PTPRO: variants seen among roughly 807,000 people sequenced by gnomAD.
The protein encoded by PTPRO is receptor-type tyrosine-protein phosphatase O.
PTPRO carries 62 observed loss-of-function variants against 145.2 expected under a neutral mutation model. The ratio of observed to expected loss-of-function variants is 0.43; its 90% CI spans 0.35 to 0.53. The LOEUF (loss-of-function observed/expected upper bound fraction) is 0.53. Among genes scored for constraint, PTPRO ranks in the 20% least tolerant of loss-of-function variants. The probability of loss-of-function intolerance (pLI) is 0.01; values close to 1 mark genes in which losing one functional copy is unlikely to be tolerated. For synonymous variants in PTPRO, 565 were observed against 514.7 expected (o/e 1.10, Z -1.32); for missense variants, 1,345 against 1,482.7 (o/e 0.91, Z 1.53).
chr12:15,365,654 T>G (rs1055016907), intron 1 of PTPRO, among the ~76,000 whole-genome samples: 1 of 152,186 alleles, frequency 6.6e-6, no homozygotes, highest in African/African-American at 2.4e-5. Flanking sequence ...ATATAAAACA[T>G]CTTTTTATTT....
At chr12:15,393,608 C>T (rs1328005241) in intron 1 of PTPRO, among the ~76,000 whole-genome samples, 4 of 151,570 alleles carry the variant, frequency 2.6e-5, no homozygotes, top group South Asian at 2.1e-4. Flanking sequence ...GAATGAATGG[C>T]CTTGCTCTAG....
chr12:15,539,224 T>C (rs2135536133), intron 12 of PTPRO, among the ~76,000 whole-genome samples: 1 of 152,110 alleles, frequency 6.6e-6, no homozygotes, highest in Middle Eastern at 3.4e-3. Context: ...GTTATGTGGG[T>C]AATGAATACC....
chr12:15,584,415 A>G (rs1009661691), intron 23 of PTPRO, among the ~76,000 whole-genome samples: 4 of 152,242 alleles, frequency 2.6e-5, no homozygotes, highest in Admixed American at 2.0e-4. Flanking sequence ...AAAATTTCAG[A>G]GCACAAAATA....
intron 1 of PTPRO, among the ~76,000 whole-genome samples, chr12:15,467,059 T>C (rs888800985): frequency 1.1e-4 from 17 of 152,302 alleles, no homozygotes; most frequent in Middle Eastern, 3.4e-3. Flanking sequence ...GTGCAAATAG[T>C]AATATCTACT....
chr12:15,518,006 C>A (rs1942634806), intron 9 of PTPRO, among the ~76,000 whole-genome samples: 1 of 55,482 alleles, frequency 1.8e-5, no homozygotes, highest in South Asian at 9.2e-4. Context: ...TGTGCAGTCT[C>A]CAGCCCCACA....
intron 1 of PTPRO, among the ~76,000 whole-genome samples, chr12:15,449,541 A>G (rs1393175870): frequency 2.0e-5 from 3 of 152,248 alleles, no homozygotes; most frequent in African/African-American, 7.2e-5. Flanking sequence ...GAGGACTATC[A>G]TTAATAACAT....
At chr12:15,484,406 T>G (rs1030749522) in intron 2 of PTPRO, among the ~76,000 whole-genome samples, 159 bp downstream of exon 2, 1 of 152,098 alleles carries the variant, frequency 6.6e-6, no homozygotes, top group East Asian at 1.9e-4. Context: ...AGAATACAGC[T>G]GAAGTTTGAT....
chr12:15,547,983 G>T (rs1320103172), intron 13 of PTPRO, among the ~76,000 whole-genome samples: 1 of 152,150 alleles, frequency 6.6e-6, no homozygotes, highest in Admixed American at 6.5e-5. Context: ...TTTGACTCAA[G>T]AATAAGTTAA....
At chr12:15,329,748 T>TG (rs1355685122) in intron 1 of PTPRO, among the ~76,000 whole-genome samples, 1 of 152,194 alleles carries the variant, frequency 6.6e-6, no homozygotes, top group South Asian at 2.1e-4. Flanking sequence ...ATTGGGAACA[T>TG]GGACACAGAT....
chr12:15,594,118 A>G (rs1388233646), intron 25 of PTPRO, among the ~76,000 whole-genome samples: 3 of 152,114 alleles, frequency 2.0e-5, no homozygotes, highest in African/African-American at 4.8e-5. Flanking sequence ...ATTCTAGAAA[A>G]TATTTTTCTT....
chr12:15,416,230 G>A (rs79169584), intron 1 of PTPRO, among the ~76,000 whole-genome samples: 2,252 of 151,588 alleles, frequency 0.015, 136 homozygotes, highest in East Asian at 0.13. Context: ...TTGAATGAAC[G>A]AATGAATCAT....
intron 1 of PTPRO, chr12:15,439,567 T>G (rs1371689909): frequency 3.7e-6 from 1 of 270,862 alleles, no homozygotes; most frequent in African/African-American, 2.3e-5. Flanking sequence ...CCCGGAGGAC[T>G]CGGGGGCCCT....
At chr12:15,448,497 T>C (rs1299104778) in intron 1 of PTPRO, among the ~76,000 whole-genome samples, 1 of 152,118 alleles carries the variant, frequency 6.6e-6, no homozygotes, top group Non-Finnish European at 1.5e-5. Context: ...CCTGTGAGGA[T>C]GGCTATTATC....
intron 12 of PTPRO, among the ~76,000 whole-genome samples, chr12:15,543,312 AG>A (rs1409608199): frequency 3.3e-5 from 5 of 152,186 alleles, no homozygotes; most frequent in African/African-American, 1.2e-4. Flanking sequence ...CCAGACCTTT[AG>A]GAGATTTTCC....
chr12:15,549,285 G>A (rs1032579583), intron 14 of PTPRO, 59 bp downstream of exon 14: 17 of 1,167,114 alleles, frequency 1.5e-5, no homozygotes, highest in East Asian at 6.1e-5. Context: ...ATATATATAT[G>A]TATTTGTATC....
chr12:15,389,760 G>T (rs1427472021), intron 1 of PTPRO, among the ~76,000 whole-genome samples: 1 of 152,106 alleles, frequency 6.6e-6, no homozygotes, highest in Non-Finnish European at 1.5e-5. Context: ...ACGAATGTAG[G>T]TTTCCTTCCA....
intron 19 of PTPRO, among the ~76,000 whole-genome samples, chr12:15,576,394 G>C (rs1003623722): frequency 3.3e-5 from 5 of 152,212 alleles, no homozygotes; most frequent in Non-Finnish European, 7.3e-5. Context: ...TTTACAGCAG[G>C]AAGGCAACAC....
chr12:15,443,254 C>T (rs1198774082), intron 1 of PTPRO, among the ~76,000 whole-genome samples: 1 of 151,994 alleles, frequency 6.6e-6, no homozygotes, highest in Non-Finnish European at 1.5e-5. Context: ...ATTGCCTATT[C>T]AGCAATAAAT....
chr12:15,467,987 T>C lies in PTPRO; in HGVS notation c.76-15987T>C, dbSNP rs370196276. Reference sequence around the variant, plus strand: ...CCTCCTCACCATCTGGATGTTTCCATTGGCAGATTGCCCCTTCTTCATCCC... The same window carrying C: ...CCTCCTCACCATCTGGATGTTTCCACTGGCAGATTGCCCCTTCTTCATCCC... On this transcript the variant is annotated intron_variant, in intron 1 of 26. Transcript: ENST00000281171. 4.0e-4 allele frequency among the ~76,000 whole-genome samples: 61 copies of C among 152,340 alleles called. 1 individual carries two copies. The South Asian group carries it at 0.011, about 28-fold the overall frequency.
Sources: allele counts gnomAD v4.1 joint callset (sites outside exome capture counted in the v4.1 genomes callset), GRCh38; gene constraint gnomAD v4.1.1; transcripts MANE v1.5; gene names NCBI Gene and HGNC (gene_info 2026-07-23, HGNC 2026-07-21).